Variants in POLR3A observed in about 807,000 individuals in gnomAD.
POLR3A encodes the protein DNA-directed RNA polymerase III subunit RPC1.
In POLR3A, 112 loss-of-function variants were observed where a neutral mutation model predicts 152.8. That is an observed-to-expected ratio of 0.73 (90% CI 0.63 to 0.86). POLR3A has a LOEUF of 0.86. POLR3A is among the 40% of genes least tolerant of loss of function. POLR3A has a pLI of 0.00. For synonymous variants in POLR3A, 615 were observed against 652.1 expected, an observed-to-expected ratio of 0.94 and a Z score of 0.87; for missense variants, 1,385 against 1,743.1, an observed-to-expected ratio of 0.79 and a Z score of 3.66.
At position 77,986,462 on chromosome 10, in the gene POLR3A, T is replaced by C. The variant is rs555075966; in HGVS notation, c.2902-303A>G. ...ACAAAGTGCGTGGGAGCCTTTGTTC[T>C]TGCTCTCCCACGTGCCACGAGGGCT... On this transcript the variant is annotated intron_variant, in intron 21 of 30. Coordinates refer to ENST00000372371, the MANE Select transcript of POLR3A (RefSeq NM_007055.4). Among the ~76,000 whole-genome samples, 30 of 152,286 alleles carry C rather than the reference T, an allele frequency of 2.0e-4. No individual in the cohort carries two copies. In the South Asian group the frequency reaches 6.2e-3, roughly 32 times the overall value.
intron 1 of POLR3A, among the ~76,000 whole-genome samples, chr10:78,028,141 A>AT (rs1321834265): frequency 3.3e-5 from 5 of 152,224 alleles, no homozygotes; most frequent in Non-Finnish European, 5.9e-5. Context: ...GAATCAAGAG[A>AT]TTTTCCAGAA....
intron 8 of POLR3A, chr10:78,019,540 G>A (rs1407731298): frequency 2.0e-6 from 1 of 498,346 alleles, no homozygotes; most frequent in East Asian, 3.8e-5. Flanking sequence ...AAACGGGTAG[G>A]CTAGACTGAT....
In POLR3A at chr10:78,010,499, C is replaced by T. The variant is rs1432439238; in HGVS notation, c.1614G>A (p.Leu538=). The change falls in exon 12 of 31, where the codon CTG becomes CTA. Residue 538 remains leucine, a synonymous_variant. Coordinates refer to ENST00000372371, the MANE Select transcript of POLR3A (RefSeq NM_007055.4). ...NLVTPRNGEP[L]IAAIQDFLTG... ...TTAGAAAATCCTGAATAGCAGCAATCAGCGGTTCCCCATTCCTCGGGGTTA... is the reference window on the plus strand; with the variant it reads ...TTAGAAAATCCTGAATAGCAGCAATTAGCGGTTCCCCATTCCTCGGGGTTA... 5 of 1,614,074 alleles carry T rather than the reference C, an allele frequency of 3.1e-6. No homozygotes were observed. Among genetic ancestry groups the T allele is most frequent in the Admixed American group, 3.3e-5 (2 of 60,016 alleles).
chr10:78,022,064 T>C, intron 6 of POLR3A, 42 bp from the exon 7 acceptor site: 1 of 1,614,204 alleles, frequency 6.2e-7, no homozygotes, highest in South Asian at 1.1e-5. Flanking sequence ...CCTGGTCAGT[T>C]TGATTTTTCT....
At chr10:78,000,898 C>G in intron 18 of POLR3A, 78 bp downstream of exon 18, 1 of 806,968 alleles carries the variant, frequency 1.2e-6, no homozygotes, top group Admixed American at 1.7e-5. Context: ...GGTCTTTGAT[C>G]TGAATAGGTC....
At chr10:77,978,852 C>T (rs145176932) in intron 30 of POLR3A, among the ~76,000 whole-genome samples, 4 of 151,192 alleles carry the variant, frequency 2.6e-5, no homozygotes, top group Non-Finnish European at 2.9e-5. Context: ...TTAGTAGAGA[C>T]GGGGTCTCAC....
At chr10:78,007,892 C>A (rs779152376) in intron 14 of POLR3A, 26 bp from the exon 15 acceptor site, 1 of 1,592,322 alleles carries the variant, frequency 6.3e-7, no homozygotes, top group African/African-American at 1.3e-5. Flanking sequence ...TATATTTAGA[C>A]AACAATTATT....
intron 28 of POLR3A, 98 bp downstream of exon 28, chr10:77,982,038 CAAAAAAAAAAAAAAAAAA>C: frequency 7.2e-6 from 2 of 276,456 alleles, no homozygotes; most frequent in Non-Finnish European, 1.2e-5. Context: ...GACTCCATCT[CAAAAAAAAAAAAAAAAAA>C]AAAAAAAAAA....
Position 77,981,513 on chromosome 10 carries a change from T to A in POLR3A, c.3806A>T (p.Asn1269Ile). Reference protein sequence around the residue: ...GIEAARTTIINEIQYTMVNHG... With the variant: ...GIEAARTTIIIEIQYTMVNHG... ...GTTCACCATGGTGTACTGGATTTCA[T>A]TGATGATCGTTGTCCGGGCGGCCTC... The change falls in exon 29 of 31, where the codon AAT (asparagine) becomes ATT (isoleucine). Residue 1269 changes from asparagine to isoleucine, a missense_variant. By Grantham distance (149) the Asn-to-Ile change is moderately radical. Around this residue, in one of 7 missense-constraint regions of POLR3A, gnomAD observed 332 missense variants for 400.1 expected, o/e 0.83. Coordinates refer to ENST00000372371, the MANE Select transcript of POLR3A (RefSeq NM_007055.4). The A allele has an allele frequency of 6.2e-7, 1 of 1,614,052 alleles. No individual in the cohort carries two copies.
At chr10:77,979,651 G>C (rs1847121290) in intron 30 of POLR3A, among the ~76,000 whole-genome samples, 2 of 152,172 alleles carry the variant, frequency 1.3e-5, no homozygotes, top group Admixed American at 1.3e-4. Flanking sequence ...CTTGTCAAAG[G>C]GCTTAATATC....
intron 8 of POLR3A, 143 bp downstream of exon 8, chr10:78,021,403 G>A (rs1320581282): frequency 1.3e-5 from 10 of 759,558 alleles, no homozygotes; most frequent in Non-Finnish European, 2.3e-5. Flanking sequence ...AGCAAACTGG[G>A]AAGACACATA....
chr10:77,982,096 G>A, intron 28 of POLR3A, 58 bp downstream of exon 28: 1 of 1,147,726 alleles, frequency 8.7e-7, no homozygotes, highest in Non-Finnish European at 1.3e-6. Context: ...TGGAAGGCCT[G>A]CAGATGGCAC....
Position 78,000,983 on chromosome 10 carries a change from T to C in POLR3A, c.2471A>G (p.His824Arg). The C allele has an allele frequency of 6.5e-7, 1 of 1,549,304 alleles. No individual in the cohort carries two copies. Among genetic ancestry groups the C allele is most frequent in the Non-Finnish European group, 8.9e-7 (1 of 1,123,956 alleles). The change falls in exon 18 of 31, where the codon CAC becomes CGC. Residue 824 changes from histidine (H) to arginine (R), a missense_variant. Physicochemically the swap from His to Arg is conservative, Grantham distance 29. Coordinates refer to ENST00000372371, the MANE Select transcript of POLR3A (RefSeq NM_007055.4). ...ENRSLPHFEKHSKLPAAKGFV... is the reference protein window; with the variant it reads ...ENRSLPHFEKRSKLPAAKGFV... The stretch of plus-strand genomic sequence containing the variant: ...TGATCTGCTACTGCTTACCTTTGAG[T>C]GTTTTTCAAAATGAGGCAAGGACCT...
Position 78,002,225 on chromosome 10 carries a change from G to T in POLR3A, c.2331C>A (p.Pro777=). ...TGGAGCCGCACAGAGCCATGGTGAG[G>T]GGGCTGTTGCTCTTGTCCAGCTCCC... ...CLRELDKSNS[P]LTMALCGSKG... Residue 777 remains proline (P), a synonymous_variant, in exon 17 of 31, where the codon CCC becomes CCA. Coordinates refer to ENST00000372371, the MANE Select transcript of POLR3A (RefSeq NM_007055.4). 6.3e-7 allele frequency: 1 copy of T among 1,597,542 alleles called. No homozygotes were observed. Among genetic ancestry groups the T allele is most frequent in the Non-Finnish European group, 8.5e-7 (1 of 1,172,682 alleles).
intron 26 of POLR3A, among the ~76,000 whole-genome samples, chr10:77,983,306 G>A (rs1410500354): frequency 1.3e-5 from 2 of 152,234 alleles, no homozygotes; most frequent in African/African-American, 4.8e-5. Flanking sequence ...TGAGTCAACT[G>A]TTATATGGGT....
chr10:78,022,884 G>A (rs1401555008), intron 5 of POLR3A, among the ~76,000 whole-genome samples: 1 of 152,178 alleles, frequency 6.6e-6, no homozygotes, highest in African/African-American at 2.4e-5. Context: ...GAGGCTGGGC[G>A]TAGTGGCTCA....
intron 1 of POLR3A, among the ~76,000 whole-genome samples, chr10:78,029,055 GAAGAACAGGGA>G (rs1238078526): frequency 6.6e-6 from 1 of 152,180 alleles, no homozygotes; most frequent in African/African-American, 2.4e-5. Flanking sequence ...ATAGTTCGCT[GAAGAACAGGGA>G]TCATTGTATG....
chr10:78,016,178 A>G (rs1847521989), intron 10 of POLR3A, among the ~76,000 whole-genome samples: 1 of 152,170 alleles, frequency 6.6e-6, no homozygotes, highest in Non-Finnish European at 1.5e-5. Flanking sequence ...TAAATCACCA[A>G]AAAAATATGG....
chr10:78,003,096 T>C (rs758306838), intron 16 of POLR3A, among the ~76,000 whole-genome samples: 1 of 152,220 alleles, frequency 6.6e-6, no homozygotes, highest in Non-Finnish European at 1.5e-5. Context: ...CACAAGAATA[T>C]TCCGGCTCAT....
Sources: allele counts gnomAD v4.1 joint callset (sites outside exome capture counted in the v4.1 genomes callset), GRCh38; gene constraint gnomAD v4.1.1; regional missense constraint gnomAD v4.1.1; transcripts MANE v1.5; gene names NCBI Gene and HGNC (gene_info 2026-07-23, HGNC 2026-07-21).